The following DLGAP2 variants were observed in gnomAD, a reference collection of about 807,000 sequenced individuals.
The protein encoded by DLGAP2 is disks large-associated protein 2.
Under a neutral mutation model 100.3 loss-of-function variants are expected in DLGAP2, and 26 were observed. The ratio of observed to expected loss-of-function variants is 0.26; its 90% CI spans 0.19 to 0.36. The LOEUF (loss-of-function observed/expected upper bound fraction) is 0.36. DLGAP2 is among the 10% of genes least tolerant of loss of function. DLGAP2 has a pLI of 1.00. For missense variants in DLGAP2, 1,858 were observed against 1,453.2 expected (o/e 1.28, Z -4.53); for synonymous variants, 886 against 630.1 (o/e 1.41, Z -6.08).
intron 1 of DLGAP2, among the ~76,000 whole-genome samples, chr8:878,105 G>A (rs1018969325): frequency 1.3e-5 from 2 of 152,186 alleles, no homozygotes; most frequent in Non-Finnish European, 2.9e-5. Context: ...AGAGTACTGG[G>A]AGTCCTCATA....
intron 3 of DLGAP2, among the ~76,000 whole-genome samples, chr8:1,329,406 G>C (rs1290027243): frequency 2.0e-5 from 3 of 152,142 alleles, no homozygotes; most frequent in Admixed American, 2.0e-4. Context: ...GTTAGATTCA[G>C]CTAGATCCGT....
At chr8:919,565 G>T (rs1416334382) in intron 2 of DLGAP2, among the ~76,000 whole-genome samples, 1 of 152,194 alleles carries the variant, frequency 6.6e-6, no homozygotes, top group African/African-American at 2.4e-5. Context: ...CTTGAGAATA[G>T]AGTCCACTGT....
Position 922,154 on chromosome 8 carries a change from G to A in DLGAP2, c.73+14188G>A, listed in dbSNP as rs553616440. 2.6e-5 allele frequency among the ~76,000 whole-genome samples: 4 copies of A among 152,324 alleles called. No homozygotes were observed. The South Asian group carries it at 8.3e-4, about 32-fold the overall frequency. On this transcript the variant is annotated intron_variant, in intron 2 of 14. Coordinates refer to ENST00000637795, the MANE Select transcript of DLGAP2 (RefSeq NM_001346810.2). ...TGTTTTCAGAGGCGCCGAGTTTTTG[G>A]TGTTTTCATGGAAGTTGGTGGAGGC... is the stretch of plus-strand genomic sequence containing the variant.
chr8:935,930 A>G (rs992087022), intron 2 of DLGAP2, among the ~76,000 whole-genome samples: 1 of 152,200 alleles, frequency 6.6e-6, no homozygotes, highest in Admixed American at 6.5e-5. Context: ...GGAGAGCTGC[A>G]TAAGAGTGGG....
At position 969,154 on chromosome 8, in the gene DLGAP2, C is replaced by T. The variant is rs1484369755; in HGVS notation, c.73+61188C>T. On this transcript the variant is annotated intron_variant, in intron 2 of 14. Coordinates refer to ENST00000637795, the MANE Select transcript of DLGAP2 (RefSeq NM_001346810.2). Reference sequence around the variant, plus strand: ...CCTCTCCCCAGGGGGGATGGGCTCACGCAATCCCCTCAAAGACCTGACTAG... The same window carrying T: ...CCTCTCCCCAGGGGGGATGGGCTCATGCAATCCCCTCAAAGACCTGACTAG... Among the ~76,000 whole-genome samples, 7 of 152,250 alleles carry T rather than the reference C, an allele frequency of 4.6e-5. 1 individual carries two copies. The highest frequency in any genetic ancestry group is 7.2e-5 in the African/African-American group (3 of 41,544).
intron 2 of DLGAP2, among the ~76,000 whole-genome samples, chr8:1,234,240 G>T (rs1490316190): frequency 6.6e-6 from 1 of 152,196 alleles, no homozygotes; most frequent in Non-Finnish European, 1.5e-5. Flanking sequence ...GCACAACCCT[G>T]AGTGGAACCA....
chr8:1,457,974 T>TTATA (rs1798362355), intron 3 of DLGAP2, among the ~76,000 whole-genome samples: 2 of 46,464 alleles, frequency 4.3e-5, no homozygotes, highest in African/African-American at 7.7e-5. Context: ...TGTTCTCTGA[T>TTATA]CATATATATA....
At chr8:1,367,668 A>G (rs139943094) in intron 3 of DLGAP2, among the ~76,000 whole-genome samples, 110 of 152,352 alleles carry the variant, frequency 7.2e-4, no homozygotes, top group African/African-American at 2.4e-3. Flanking sequence ...ATGCATGGAA[A>G]CTATGCTACG....
chr8:1,171,224 T>A (rs1210130398), intron 2 of DLGAP2, among the ~76,000 whole-genome samples: 1 of 152,210 alleles, frequency 6.6e-6, no homozygotes, highest in African/African-American at 2.4e-5. Flanking sequence ...AGTTCTAGTT[T>A]GATTGCACTG....
intron 3 of DLGAP2, among the ~76,000 whole-genome samples, chr8:1,318,788 C>CCT (rs397967277): frequency 3.8e-5 from 5 of 131,068 alleles, no homozygotes; most frequent in African/African-American, 1.4e-4. Flanking sequence ...GCCCCCCCCC[C>CCT]GCCCCCTCGC....
At chr8:1,569,518 C>T (rs1802566533) in intron 6 of DLGAP2, among the ~76,000 whole-genome samples, 1 of 152,186 alleles carries the variant, frequency 6.6e-6, no homozygotes, top group Non-Finnish European at 1.5e-5. Flanking sequence ...ATTATGTTAC[C>T]AGGAGGTATC....
chr8:1,596,272 T>C (rs900763633), intron 6 of DLGAP2, among the ~76,000 whole-genome samples: 5 of 152,236 alleles, frequency 3.3e-5, no homozygotes, highest in South Asian at 2.1e-4. Context: ...CAGTTTATCA[T>C]TGATGGTCAT....
intron 8 of DLGAP2, among the ~76,000 whole-genome samples, chr8:1,665,115 C>T (rs926861009): frequency 1.2e-4 from 18 of 152,090 alleles, no homozygotes; most frequent in Non-Finnish European, 2.4e-4. Context: ...ATGTGACTTT[C>T]CTGTGATCAT....
chr8:1,513,026 G>A (rs1335819205), intron 4 of DLGAP2, among the ~76,000 whole-genome samples: 1 of 152,162 alleles, frequency 6.6e-6, no homozygotes, highest in African/African-American at 2.4e-5. Flanking sequence ...TGCAGAGGAG[G>A]ATGGAAGAGG....
chr8:1,235,713 G>A lies in DLGAP2; in HGVS notation c.74-23138G>A, dbSNP rs1243864026. The stretch of plus-strand genomic sequence containing the variant: ...ATGTCTAGTTCTCTCACATGGCGCC[G>A]TATCTAGTTCTCTCACATGGTGCCA... On this transcript the variant is annotated intron_variant, in intron 2 of 14. Coordinates refer to ENST00000637795, the MANE Select transcript of DLGAP2 (RefSeq NM_001346810.2). Among the ~76,000 whole-genome samples the A allele has an allele frequency of 2.2e-4, 5 of 22,570 alleles. 1 individual carries two copies. The highest frequency in any genetic ancestry group is 4.1e-4 in the Non-Finnish European group (5 of 12,154). The allele number at this position is 22,570 out of a possible 152,430, so 14.8% of individuals were successfully genotyped here.
intron 2 of DLGAP2, among the ~76,000 whole-genome samples, chr8:917,929 G>A (rs185294212): frequency 5.9e-5 from 9 of 152,298 alleles, no homozygotes; most frequent in Admixed American, 2.6e-4. Context: ...ATAAATACAA[G>A]CTGGATGACA....
At chr8:1,479,637 G>A (rs1322397723) in intron 3 of DLGAP2, among the ~76,000 whole-genome samples, 5 of 152,010 alleles carry the variant, frequency 3.3e-5, no homozygotes, top group Admixed American at 6.6e-5. Flanking sequence ...CTTTCATTTC[G>A]GTGAGTCATT....
intron 2 of DLGAP2, among the ~76,000 whole-genome samples, chr8:1,172,191 T>C (rs1229852427): frequency 4.6e-5 from 7 of 152,144 alleles, no homozygotes; most frequent in Non-Finnish European, 5.9e-5. Context: ...TTCTTTTCTT[T>C]AAGAATGTTG....
chr8:1,286,639 TC>T (rs1799927766), intron 3 of DLGAP2, among the ~76,000 whole-genome samples: 1 of 152,222 alleles, frequency 6.6e-6, no homozygotes, highest in South Asian at 2.1e-4. Context: ...GAACTGTGTA[TC>T]CGTGCTGGGC....
Sources: allele counts gnomAD v4.1 joint callset (sites outside exome capture counted in the v4.1 genomes callset), GRCh38; gene constraint gnomAD v4.1.1; transcripts MANE v1.5; gene names NCBI Gene and HGNC (gene_info 2026-07-23, HGNC 2026-07-21).